Variants in CEP350 observed in about 807,000 individuals in gnomAD.
CEP350 encodes the protein centrosomal protein 350.
Under a neutral mutation model 331.8 loss-of-function variants are expected in CEP350, and 126 were observed. That is an observed-to-expected ratio of 0.38 (90% CI 0.33 to 0.44). The LOEUF (loss-of-function observed/expected upper bound fraction) is 0.44. Ranked by LOEUF, CEP350 falls within the 20% of genes least tolerant of loss-of-function variation. CEP350 has a pLI of 1.00. For synonymous variants in CEP350, 1,200 were observed against 1,259.5 expected (o/e 0.95, Z 1.00); for missense variants, 3,406 against 3,634.6 (o/e 0.94, Z 1.62).
At chr1:180,052,838 C>T (rs1184068693) in intron 22 of CEP350, 132 bp from the exon 23 acceptor site, 1 of 425,588 alleles carries the variant, frequency 2.3e-6, no homozygotes, top group Non-Finnish European at 4.2e-6. Flanking sequence ...TTTATTATTT[C>T]ATGTCTATTT....
intron 14 of CEP350, among the ~76,000 whole-genome samples, chr1:180,025,909 G>C (rs1655641634): frequency 1.3e-5 from 2 of 152,022 alleles, no homozygotes; most frequent in Non-Finnish European, 2.9e-5. Flanking sequence ...AGAACTTAAA[G>C]TAAAATAAAA....
At chr1:179,961,194 C>T (rs1410397426) in intron 1 of CEP350, among the ~76,000 whole-genome samples, 2 of 152,066 alleles carry the variant, frequency 1.3e-5, no homozygotes, top group Non-Finnish European at 2.9e-5. Context: ...GCCTATAATG[C>T]CAGCACTTTG....
At chr1:180,062,107 A>G in intron 25 of CEP350, 113 bp from the exon 26 acceptor site, 2 of 964,380 alleles carry the variant, frequency 2.1e-6, no homozygotes, top group Non-Finnish European at 2.7e-6. Context: ...TACTTTTATT[A>G]TAAAATACTA....
At chr1:180,004,919 C>CTTTCTT (rs1201957783) in intron 7 of CEP350, among the ~76,000 whole-genome samples, 2 of 73,698 alleles carry the variant, frequency 2.7e-5, no homozygotes, top group African/African-American at 3.6e-5. Context: ...TTCTTTCTTT[C>CTTTCTT]TTTCTTTCTT....
chr1:179,971,218 T>C (rs1187702866), intron 1 of CEP350, among the ~76,000 whole-genome samples: 1 of 151,788 alleles, frequency 6.6e-6, no homozygotes, highest in African/African-American at 2.4e-5. Context: ...TAGTAGAGAC[T>C]GGGTTTCACC....
chr1:180,015,720 T>C lies in CEP350; in HGVS notation c.2053-129T>C, dbSNP rs1654930318. 7 of 1,155,994 alleles carry C rather than the reference T, an allele frequency of 6.1e-6. No homozygotes were observed. The South Asian group carries it at 1.1e-4, about 18-fold the overall frequency. 71.6% of individuals were successfully genotyped at this position (1,155,994 alleles called of 1,614,324 possible). A position where few individuals can be genotyped will look rare whatever the true frequency, so the allele number is the denominator to read the frequency against. On this transcript the variant is annotated intron_variant, in intron 10 of 37. Transcript: ENST00000367607. ...ACAAAATAAATTTTAATTGGTTTTG[T>C]TTGACAAAAAAAAACCACTACATTT... is the stretch of plus-strand genomic sequence containing the variant.
At chr1:179,965,555 C>T (rs899115044) in intron 1 of CEP350, among the ~76,000 whole-genome samples, 1 of 151,396 alleles carries the variant, frequency 6.6e-6, no homozygotes, top group Non-Finnish European at 1.5e-5. Context: ...TCAGAATAGC[C>T]AGCTAAATGC....
In CEP350 at chr1:180,093,935, A is replaced by AT; in HGVS notation, c.7831dup (p.Tyr2611LeufsTer4). 6.2e-7 allele frequency: 1 copy of AT among 1,613,876 alleles called. No homozygotes were observed. The highest frequency in any genetic ancestry group is 8.5e-7 in the Non-Finnish European group (1 of 1,179,850). On this transcript the variant is annotated frameshift_variant, in exon 34 of 38. Transcript: ENST00000367607. LOFTEE classifies it high-confidence loss of function. Reference sequence around the variant, plus strand: ...AAGACAGAGAAAAGGATGTCAGTGAATATTTTTATGAGAAATCCCTACCTA... The same window carrying AT: ...AAGACAGAGAAAAGGATGTCAGTGAATTATTTTTATGAGAAATCCCTACCTA...
intron 27 of CEP350, among the ~76,000 whole-genome samples, chr1:180,074,222 C>T (rs906052408): frequency 6.6e-6 from 1 of 152,126 alleles, no homozygotes; most frequent in Admixed American, 6.5e-5. Context: ...GTTGTGGCAT[C>T]TACATTTGAA....
At chr1:180,027,760 A>G (rs1350904019) in intron 14 of CEP350, among the ~76,000 whole-genome samples, 1 of 152,088 alleles carries the variant, frequency 6.6e-6, no homozygotes, top group Admixed American at 6.5e-5. Flanking sequence ...TTTTTTCTTT[A>G]TTCCATTATA....
chr1:180,091,697 G>A (rs1660207315), intron 33 of CEP350, among the ~76,000 whole-genome samples: 1 of 152,040 alleles, frequency 6.6e-6, no homozygotes. Context: ...GGGCATGGTG[G>A]TGCACACCTA....
Position 180,026,813 on chromosome 1 carries a change from A to G in CEP350, c.3550+2231A>G, listed in dbSNP as rs183634551. Among the ~76,000 whole-genome samples the G allele has an allele frequency of 1.3e-3, 191 of 152,182 alleles. 2 individuals carry two copies. The highest frequency in any genetic ancestry group is 1.7e-3 in the South Asian group (8 of 4,824). The stretch of plus-strand genomic sequence containing the variant: ...ATGTATCAGAATTTCCTTTCTTTCT[A>G]TTGCTGAATAATACTCCATGCTGTG... On this transcript the variant is annotated intron_variant, in intron 14 of 37. Coordinates refer to ENST00000367607, the MANE Select transcript of CEP350 (RefSeq NM_014810.5).
intron 25 of CEP350, among the ~76,000 whole-genome samples, chr1:180,061,403 C>G (rs1038030671): frequency 6.6e-6 from 1 of 152,042 alleles, no homozygotes; most frequent in African/African-American, 2.4e-5. Flanking sequence ...CACCATGTTG[C>G]CTAGGCTAGT....
At chr1:180,016,120 A>G in intron 11 of CEP350, 150 bp downstream of exon 11, 1 of 844,102 alleles carries the variant, frequency 1.2e-6, no homozygotes, top group South Asian at 1.7e-5. Flanking sequence ...ATTTAGGCAT[A>G]GTGCACATCT....
intron 27 of CEP350, among the ~76,000 whole-genome samples, chr1:180,068,252 T>C (rs1314784266): frequency 2.0e-5 from 3 of 152,212 alleles, no homozygotes; most frequent in Non-Finnish European, 4.4e-5. Flanking sequence ...TGTTGAATAT[T>C]AAAAACCATA....
intron 1 of CEP350, among the ~76,000 whole-genome samples, chr1:179,979,842 C>T (rs1479543174): frequency 6.6e-6 from 1 of 151,912 alleles, no homozygotes; most frequent in African/African-American, 2.4e-5. Flanking sequence ...TGTAAAAAAT[C>T]AGTTGGCTAT....
At chr1:180,058,011 G>C (rs954722207) in intron 25 of CEP350, among the ~76,000 whole-genome samples, 1 of 152,176 alleles carries the variant, frequency 6.6e-6, no homozygotes, top group African/African-American at 2.4e-5. Context: ...GCTCTGTGTG[G>C]ATGGTTAGAG....
Position 179,996,702 on chromosome 1 carries a change from A to G in CEP350, c.545A>G (p.Glu182Gly). The change falls in exon 6 of 38, where the codon GAG becomes GGG. Residue 182 changes from glutamate (E) to glycine (G), a missense_variant. Glu to Gly is a moderately conservative substitution (Grantham distance 98, BLOSUM62 -2). Coordinates refer to ENST00000367607, the MANE Select transcript of CEP350 (RefSeq NM_014810.5). ...EERNIRSCDF[E>G]SSQSSVINDT... ...CGGAATATACGGAGCTGTGATTTTG[A>G]GAGCTCCCAATCATCTGTCATCAAT... The G allele has an allele frequency of 6.2e-7, 1 of 1,613,736 alleles. No individual in the cohort carries two copies. The highest frequency in any genetic ancestry group is 8.5e-7 in the Non-Finnish European group (1 of 1,179,774).
intron 14 of CEP350, among the ~76,000 whole-genome samples, chr1:180,029,565 A>G (rs1007741970): frequency 2.0e-5 from 3 of 152,206 alleles, no homozygotes; most frequent in Non-Finnish European, 4.4e-5. Flanking sequence ...ACTCAACTTC[A>G]GAACTTTCTC....
Sources: allele counts gnomAD v4.1 joint callset (sites outside exome capture counted in the v4.1 genomes callset), GRCh38; gene constraint gnomAD v4.1.1; transcripts MANE v1.5; gene names NCBI Gene and HGNC (gene_info 2026-07-23, HGNC 2026-07-21).